Variants in CHRNA6 observed in about 807,000 individuals in gnomAD.
CHRNA6 encodes the protein neuronal acetylcholine receptor subunit alpha-6.
In CHRNA6, 31 loss-of-function variants were observed where a neutral mutation model predicts 40.9. The observed-to-expected ratio is 0.76, with a 90% CI of 0.57 to 1.02. The LOEUF is 1.02. CHRNA6 is among the 50% of genes least tolerant of loss of function. The pLI is 0.00. For missense variants in CHRNA6, 546 were observed against 596.6 expected, an observed-to-expected ratio of 0.92 and a Z score of 0.88; for synonymous variants, 222 against 221.3, an observed-to-expected ratio of 1.00 and a Z score of -0.03.
intron 5 of CHRNA6, among the ~76,000 whole-genome samples, chr8:42,754,970 C>T (rs1816772198): frequency 6.6e-6 from 1 of 152,000 alleles, no homozygotes; most frequent in Non-Finnish European, 1.5e-5. Flanking sequence ...GCTCCGAACT[C>T]ATTTCTCCTT....
chr8:42,763,068 C>G (rs1186926621), intron 2 of CHRNA6, among the ~76,000 whole-genome samples: 1 of 152,210 alleles, frequency 6.6e-6, no homozygotes, highest in Non-Finnish European at 1.5e-5. Flanking sequence ...ACACTTTGCT[C>G]TTTTTCTCCC....
At chr8:42,761,907 A>T (rs1816910839) in intron 2 of CHRNA6, among the ~76,000 whole-genome samples, 1 of 152,254 alleles carries the variant, frequency 6.6e-6, no homozygotes, top group South Asian at 2.1e-4. Flanking sequence ...CAAAAAGACC[A>T]AGTGGGCTGC....
chr8:42,767,939 CCAAA>C (rs1284878438), intron 1 of CHRNA6, among the ~76,000 whole-genome samples: 1 of 152,126 alleles, frequency 6.6e-6, no homozygotes, highest in African/African-American at 2.4e-5. Flanking sequence ...TGATGTTTCC[CCAAA>C]CAAACATGAT....
In CHRNA6 at chr8:42,756,670, CA is replaced by C. The variant is rs1170462746; in HGVS notation, c.528del (p.Phe176LeufsTer14). The C allele has an allele frequency of 6.2e-7, 1 of 1,614,074 alleles. No individual in the cohort carries two copies. On this transcript the variant is annotated frameshift_variant, in exon 5 of 6. Transcript: ENST00000276410. LOFTEE classifies it high-confidence loss of function. The part of the protein sequence containing the change: ...PFDHQNCSLK[F>X]GSWTYDKAEI... ...TCAGCTTTGTCATACGTCCAGGAAC[CA>C]AATTTTAGGGAACAGTTTTGATGAT... is the stretch of plus-strand genomic sequence containing the variant.
rs376911325 is a variant in CHRNA6, at chr8:42,763,538, T to C, written c.219+1527A>G. On this transcript the variant is annotated intron_variant, in intron 2 of 5. Coordinates refer to ENST00000276410, the MANE Select transcript of CHRNA6 (RefSeq NM_004198.3). The stretch of plus-strand genomic sequence containing the variant: ...TGCAAAGGTGTGTCCAGCAGGGTTA[T>C]GGAGAGACGCCATGCAGTGAGGTAG... Among the ~76,000 whole-genome samples, 41 of 152,296 alleles carry C rather than the reference T, an allele frequency of 2.7e-4. No homozygotes were observed. The East Asian group carries it at 6.6e-3, about 24-fold the overall frequency.
intron 2 of CHRNA6, among the ~76,000 whole-genome samples, chr8:42,762,772 G>GA (rs1202588954): frequency 1.3e-5 from 2 of 152,138 alleles, no homozygotes; most frequent in African/African-American, 4.8e-5. Context: ...TGATGCTGAG[G>GA]GAAAAACCCA....
At chr8:42,755,041 C>CTTTT (rs561445145) in intron 5 of CHRNA6, among the ~76,000 whole-genome samples, 2,121 of 138,806 alleles carry the variant, frequency 0.015, 89 homozygotes, top group African/African-American at 0.054. Flanking sequence ...TGTGCAGGGG[C>CTTTT]TTTTTTTTTT....
In CHRNA6 at chr8:42,753,084, C is replaced by G; in HGVS notation, c.*95G>C. ...GCCATCAGTTTTAGCAGATGGGGGA[C>G]TTGGGTGGGAAGCCTTTGCTTTCCT... On this transcript the variant is annotated 3_prime_UTR_variant, in exon 6 of 6. Coordinates refer to ENST00000276410, the MANE Select transcript of CHRNA6 (RefSeq NM_004198.3). 3 of 1,207,896 alleles carry G rather than the reference C, an allele frequency of 2.5e-6. No individual in the cohort carries two copies. The highest frequency in any genetic ancestry group is 2.3e-6 in the Non-Finnish European group (2 of 861,800). The allele number at this position is 1,207,896 out of a possible 1,614,324, so 74.8% of individuals were successfully genotyped here. A position where few individuals can be genotyped will look rare whatever the true frequency, so the allele number is the denominator to read the frequency against.
In CHRNA6 at chr8:42,768,572, C is replaced by A; in HGVS notation, c.-142G>T. The A allele has an allele frequency of 1.6e-6, 1 of 609,462 alleles. No individual in the cohort carries two copies. The highest frequency in any genetic ancestry group is 2.1e-5 in the South Asian group (1 of 47,228). 37.8% of individuals were successfully genotyped at this position (609,462 alleles called of 1,614,324 possible). ...TGTGTCTTCTCAGAAATCAAAACAT[C>A]CCCGGGACTTCACACGGTTATTACC... is the stretch of plus-strand genomic sequence containing the variant. On this transcript the variant is annotated 5_prime_UTR_variant, in exon 1 of 6. Coordinates refer to ENST00000276410, the MANE Select transcript of CHRNA6 (RefSeq NM_004198.3).
intron 3 of CHRNA6, among the ~76,000 whole-genome samples, chr8:42,757,734 A>T (rs1816828482): frequency 1.6e-5 from 1 of 61,800 alleles, no homozygotes; most frequent in African/African-American, 3.7e-4. Flanking sequence ...CTCTGTCTCA[A>T]AAAAAAAAAA....
At chr8:42,753,573 C>G (rs1816753929) in intron 5 of CHRNA6, among the ~76,000 whole-genome samples, 1 of 152,164 alleles carries the variant, frequency 6.6e-6, no homozygotes, top group Non-Finnish European at 1.5e-5. Context: ...ACTCAGGAGT[C>G]TGAGGCAAGA....
chr8:42,767,911 AG>A (rs1477761846), intron 1 of CHRNA6, among the ~76,000 whole-genome samples: 3 of 152,204 alleles, frequency 2.0e-5, no homozygotes, highest in Admixed American at 2.0e-4. Flanking sequence ...CTCATGGGAT[AG>A]TTTCAGCATA....
intron 2 of CHRNA6, 49 bp downstream of exon 2, chr8:42,765,015 CT>C (rs765787854): frequency 1.3e-6 from 2 of 1,587,930 alleles, no homozygotes; most frequent in African/African-American, 2.7e-5. Flanking sequence ...CATTTACCAC[CT>C]GCAAAAGTGT....
chr8:42,753,678 A>C (rs1816754707), intron 5 of CHRNA6, among the ~76,000 whole-genome samples: 1 of 152,202 alleles, frequency 6.6e-6, no homozygotes, highest in Non-Finnish European at 1.5e-5. Flanking sequence ...CATTTCGAAA[A>C]ATAAATAAAA....
rs754588393 is a variant in CHRNA6, at chr8:42,753,322, A to G, written c.1354-12T>C. 5.6e-6 allele frequency: 9 copies of G among 1,596,696 alleles called. No individual in the cohort carries two copies. In the Admixed American group the frequency reaches 9.3e-5, roughly 16 times the overall value. ...CAGTCATCTTCTACCTGAAATGCAA[A>G]CAAAAATTAAGAGCTGTTTTAAAAA... On this transcript the variant is annotated splice_polypyrimidine_tract_variant and intron_variant, in intron 5 of 5. Coordinates refer to ENST00000276410, the MANE Select transcript of CHRNA6 (RefSeq NM_004198.3).
chr8:42,755,519 C>T (rs770537192), intron 5 of CHRNA6, among the ~76,000 whole-genome samples: 16 of 152,180 alleles, frequency 1.1e-4, no homozygotes, highest in African/African-American at 3.6e-4. Flanking sequence ...TCAGGTGATC[C>T]GCCTGCCTTG....
Position 42,756,137 on chromosome 8 carries a change from C to G in CHRNA6, c.1062G>C (p.Leu354=). 2.5e-6 allele frequency: 4 copies of G among 1,614,262 alleles called. No homozygotes were observed. The highest frequency in any genetic ancestry group is 3.4e-6 in the Non-Finnish European group (4 of 1,180,042). ...VFLKLLPQVL[L]MRWPLDKTRG... Reference sequence around the variant, plus strand: ...TTGTCTTGTCCAGAGGCCACCTCATCAGCAGGACCTGGGGCAGCAGCTTCA... The same window carrying G: ...TTGTCTTGTCCAGAGGCCACCTCATGAGCAGGACCTGGGGCAGCAGCTTCA... Residue 354 remains leucine (L), a synonymous_variant, in exon 5 of 6, where the codon CTG becomes CTC. Transcript: ENST00000276410.
intron 2 of CHRNA6, chr8:42,759,415 G>T (rs1816862424): frequency 3.7e-6 from 1 of 270,680 alleles, no homozygotes; most frequent in Non-Finnish European, 7.3e-6. Flanking sequence ...CTAGTTCCAT[G>T]AAAGGAAGGA....
intron 5 of CHRNA6, among the ~76,000 whole-genome samples, chr8:42,754,011 C>A (rs1288931952): frequency 1.3e-5 from 2 of 152,092 alleles, no homozygotes; most frequent in African/African-American, 4.8e-5. Flanking sequence ...GATTGAGAAC[C>A]ACTTTATCAG....
Sources: allele counts gnomAD v4.1 joint callset (sites outside exome capture counted in the v4.1 genomes callset), GRCh38; gene constraint gnomAD v4.1.1; transcripts MANE v1.5; gene names NCBI Gene and HGNC (gene_info 2026-07-23, HGNC 2026-07-21).